The following PLBD2 variants were observed in gnomAD, a reference collection of about 807,000 sequenced individuals.
PLBD2 encodes the protein putative aminopeptidase PLBD2.
Under a neutral mutation model 68.3 loss-of-function variants are expected in PLBD2, and 51 were observed. The observed-to-expected ratio is 0.75, with a 90% confidence interval of 0.60 to 0.94. The LOEUF (loss-of-function observed/expected upper bound fraction) is 0.94, where lower values mean the gene tolerates loss of function less well. Ranked by LOEUF, PLBD2 falls within the 40% of genes least tolerant of loss-of-function variation. The probability of loss-of-function intolerance (pLI) is 0.00; values close to 1 mark genes in which losing one functional copy is unlikely to be tolerated. For synonymous variants in PLBD2, 314 were observed against 339.3 expected, an observed-to-expected ratio of 0.93 and a Z score of 0.82; for missense variants, 729 against 792.2, an observed-to-expected ratio of 0.92 and a Z score of 0.96.
rs1236671832 is a variant in PLBD2 at position 113,388,635 on chromosome 12, C to T, written c.*9C>T. The T allele has an allele frequency of 1.3e-6, 2 of 1,563,434 alleles. No homozygotes were observed. The highest frequency in any genetic ancestry group is 1.7e-6 in the Non-Finnish European group (2 of 1,152,830). The stretch of plus-strand genomic sequence containing the variant: ...AGGTTTCATGGGACTGAAGTTCTGT[C>T]CCTGCTCTGCTGCTTTCGCCCCTGC... On this transcript the variant is annotated 3_prime_UTR_variant, in exon 12 of 12. Coordinates refer to ENST00000280800, the MANE Select transcript of PLBD2 (RefSeq NM_173542.4).
Position 113,372,534 on chromosome 12 carries a change from G to A in PLBD2, c.385-115G>A. ...TCCAGGGAGAGGACAGCATGAGCAA[G>A]GACTCAGGTGGCCACACCAGCAGCC... On this transcript the variant is annotated intron_variant, in intron 2 of 11. Transcript: ENST00000280800. This position sits in a 1 kb window ranked among gnomAD's most constrained non-coding sequence, Gnocchi z 4.2. 9.0e-7 allele frequency: 1 copy of A among 1,109,004 alleles called. No individual in the cohort carries two copies. The highest frequency in any genetic ancestry group is 1.6e-5 in the African/African-American group (1 of 64,492). 68.7% of individuals were successfully genotyped at this position (1,109,004 alleles called of 1,614,324 possible).
chr12:113,369,220 A>T lies in PLBD2; in HGVS notation c.384+11A>T, dbSNP rs370130149. On this transcript the variant is annotated intron_variant, in intron 2 of 11. Coordinates refer to ENST00000280800, the MANE Select transcript of PLBD2 (RefSeq NM_173542.4). The stretch of plus-strand genomic sequence containing the variant: ...GCTGTGTCGGAGGAGGTAAGGGCCA[A>T]GGTGGGGACATGGGGCTCCCACCCT... 9.0e-5 allele frequency: 142 copies of T among 1,585,142 alleles called. No homozygotes were observed. The highest frequency in any genetic ancestry group is 1.2e-4 in the Non-Finnish European group (136 of 1,165,468).
intron 1 of PLBD2, among the ~76,000 whole-genome samples, chr12:113,368,354 G>T (rs973095019): frequency 6.6e-6 from 1 of 152,124 alleles, no homozygotes; most frequent in Non-Finnish European, 1.5e-5. Flanking sequence ...TGGATCCGTG[G>T]GGCTGCTGGG....
chr12:113,362,937 A>G (rs1438801075), intron 1 of PLBD2, among the ~76,000 whole-genome samples: 1 of 151,154 alleles, frequency 6.6e-6, no homozygotes, highest in Non-Finnish European at 1.5e-5. Context: ...GGTGTGAGCC[A>G]CTATACCCAG....
chr12:113,366,583 C>G (rs1036492126), intron 1 of PLBD2, among the ~76,000 whole-genome samples: 23 of 150,324 alleles, frequency 1.5e-4, no homozygotes, highest in Middle Eastern at 3.7e-3. Flanking sequence ...CTCAAGTGAT[C>G]TTCCTGCCTC....
Position 113,384,137 on chromosome 12 carries a change from C to T in PLBD2, c.990C>T (p.Asn330=), listed in dbSNP as rs1375708858. 6.2e-7 allele frequency: 1 copy of T among 1,613,124 alleles called. No homozygotes were observed. The highest frequency in any genetic ancestry group is 8.5e-7 in the Non-Finnish European group (1 of 1,179,420). Residue 330 remains asparagine, a synonymous_variant, in exon 7 of 12, where the codon AAC becomes AAT. Coordinates refer to ENST00000280800, the MANE Select transcript of PLBD2 (RefSeq NM_173542.4). This position sits in a 1 kb window ranked among gnomAD's most constrained non-coding sequence, Gnocchi z 4.2. ...TGGAGACCACCATTGGCAACAAGAACCCAGCCCTGTGGAAGTATGTGCGGC... is the reference window on the plus strand; with the variant it reads ...TGGAGACCACCATTGGCAACAAGAATCCAGCCCTGTGGAAGTATGTGCGGC... ...VTLETTIGNK[N]PALWKYVRPR...
chr12:113,372,498 G>A lies in PLBD2; in HGVS notation c.385-151G>A. On this transcript the variant is annotated intron_variant, in intron 2 of 11. Transcript: ENST00000280800. The surrounding 1 kb of genome is among the most constrained non-coding windows in gnomAD (Gnocchi z 4.2). ...CCCTATCCGGGGCAGAGCTGGGCAG[G>A]GAGAGGAGCCTCCAGGGAGAGGACA... 1.2e-6 allele frequency: 1 copy of A among 844,328 alleles called. No homozygotes were observed. The highest frequency in any genetic ancestry group is 2.5e-5 in the East Asian group (1 of 39,326). 52.3% of individuals were successfully genotyped at this position (844,328 alleles called of 1,614,324 possible).
At chr12:113,379,800 G>A (rs948574199) in intron 5 of PLBD2, among the ~76,000 whole-genome samples, 3 of 151,082 alleles carry the variant, frequency 2.0e-5, no homozygotes, top group Non-Finnish European at 3.0e-5. Flanking sequence ...CAAAAAGAGC[G>A]AAACTCTGTC....
rs773243700 is a variant in PLBD2, at chr12:113,386,964, T to C, written c.1314T>C (p.Ser438=). The stretch of plus-strand genomic sequence containing the variant: ...CCTTCGAGACTGTGTTCAATGCCAG[T>C]GGGCTGCAGGCCCTAGTGGCCCAGT... ...IPSFETVFNA[S]GLQALVAQYG... Residue 438 remains serine (S), a synonymous_variant, in exon 10 of 12, where the codon AGT becomes AGC. Transcript: ENST00000280800. The C allele has an allele frequency of 2.5e-6, 4 of 1,613,170 alleles. No individual in the cohort carries two copies. The Admixed American group carries it at 6.7e-5, about 27-fold the overall frequency.
intron 8 of PLBD2, 78 bp downstream of exon 8, chr12:113,385,024 G>A (rs894171834): frequency 2.0e-5 from 29 of 1,435,318 alleles, no homozygotes; most frequent in South Asian, 1.1e-4. Flanking sequence ...CCGTGCTGGC[G>A]CTGTGCAGGA....
intron 1 of PLBD2, among the ~76,000 whole-genome samples, chr12:113,364,800 A>G (rs967004424): frequency 2.6e-5 from 4 of 152,146 alleles, no homozygotes; most frequent in African/African-American, 9.7e-5. Context: ...TAGTGAGTGC[A>G]TAATGTGTGT....
chr12:113,375,914 C>A (rs551161713), intron 5 of PLBD2, among the ~76,000 whole-genome samples: 35 of 152,266 alleles, frequency 2.3e-4, no homozygotes, highest in South Asian at 1.9e-3. Context: ...AGTGCAGTGG[C>A]ATGATCTCAG....
intron 3 of PLBD2, among the ~76,000 whole-genome samples, chr12:113,373,476 T>A (rs1016190703): frequency 6.6e-6 from 1 of 152,170 alleles, no homozygotes; most frequent in Non-Finnish European, 1.5e-5. Flanking sequence ...TCTCACTGTT[T>A]ACCCACCCAC....
chr12:113,385,425 ACAGTT>A, intron 9 of PLBD2, 142 bp downstream of exon 9: 1 of 759,594 alleles, frequency 1.3e-6, no homozygotes, highest in Non-Finnish European at 2.2e-6. Flanking sequence ...GAGAGCCCAG[ACAGTT>A]TGGCAGTGTA....
chr12:113,383,320 G>A (rs1565864193), intron 6 of PLBD2, among the ~76,000 whole-genome samples: 2 of 152,208 alleles, frequency 1.3e-5, no homozygotes, highest in African/African-American at 2.4e-5. Flanking sequence ...GTGGGTTCAT[G>A]GGAGCGGCTC....
At position 113,374,363 on chromosome 12, in the gene PLBD2, G is replaced by A. The variant is rs887937910; in HGVS notation, c.544-111G>A. ...TGGCTGGAGTCTGGAGGGTACCCCC[G>A]GGCCTCCTGCTCTGTCTGAACCCCC... On this transcript the variant is annotated intron_variant, in intron 3 of 11. Coordinates refer to ENST00000280800, the MANE Select transcript of PLBD2 (RefSeq NM_173542.4). The A allele has an allele frequency of 3.0e-5, 21 of 692,830 alleles. 1 individual carries two copies. The highest frequency in any genetic ancestry group is 8.9e-5 in the African/African-American group (5 of 56,046). The allele number at this position is 692,830 out of a possible 1,614,324, so 42.9% of individuals were successfully genotyped here.
chr12:113,387,945 G>C (rs1957569466), intron 11 of PLBD2, 39 bp downstream of exon 11: 1 of 1,604,142 alleles, frequency 6.2e-7, no homozygotes, highest in African/African-American at 1.3e-5. Context: ...GTGGGTGGGG[G>C]AAGTCACCAT....
At chr12:113,376,886 C>G (rs974048148) in intron 5 of PLBD2, 4 of 152,360 alleles carry the variant, frequency 2.6e-5, no homozygotes, top group African/African-American at 9.6e-5. Context: ...TCATCCCAGG[C>G]CCCAGCATCA....
chr12:113,374,617 A>G, intron 4 of PLBD2, 43 bp downstream of exon 4: 13 of 1,519,564 alleles, frequency 8.6e-6, no homozygotes, highest in Non-Finnish European at 1.2e-5. Flanking sequence ...AAGAAGGGCC[A>G]CACACTCATA....
Sources: allele counts gnomAD v4.1 joint callset (sites outside exome capture counted in the v4.1 genomes callset), GRCh38; gene constraint gnomAD v4.1.1; non-coding constraint Gnocchi (gnomAD v3.1); transcripts MANE v1.5; gene names NCBI Gene and HGNC (gene_info 2026-07-23, HGNC 2026-07-21).